TCF7L2: variants seen among roughly 807,000 people sequenced by gnomAD.
TCF7L2 encodes transcription factor 7 like 2.
Under a neutral mutation model 77.9 loss-of-function variants are expected in TCF7L2, and 23 were observed. The observed-to-expected ratio is 0.30, with a 90% CI of 0.21 to 0.42. The LOEUF is 0.42. TCF7L2 is among the 10% of genes least tolerant of loss of function. The pLI is 1.00. For synonymous variants in TCF7L2, 413 were observed against 340.2 expected (o/e 1.21, Z -2.36); for missense variants, 654 against 793.1 (o/e 0.82, Z 2.11).
At chr10:113,118,676 TTG>T (rs1171538782) in intron 5 of TCF7L2, among the ~76,000 whole-genome samples, 46 of 92,170 alleles carry the variant, frequency 5.0e-4, no homozygotes, top group South Asian at 1.2e-3. Context: ...TTTTTTTTTT[TTG>T]TTTTTTTTAT....
intron 5 of TCF7L2, among the ~76,000 whole-genome samples, chr10:113,136,458 G>A (rs149538401): frequency 3.3e-5 from 5 of 152,132 alleles, no homozygotes; most frequent in South Asian, 2.1e-4. Flanking sequence ...CGGAGAATCC[G>A]TTGTCATCAT....
intron 5 of TCF7L2, among the ~76,000 whole-genome samples, chr10:113,048,136 T>A (rs2053781925): frequency 6.6e-6 from 1 of 152,148 alleles, no homozygotes; most frequent in African/African-American, 2.4e-5. Context: ...GGACCTACTT[T>A]GGAAGGTTGT....
chr10:112,968,305 TTC>T (rs1491365284), intron 4 of TCF7L2, among the ~76,000 whole-genome samples: 2 of 152,172 alleles, frequency 1.3e-5, no homozygotes, highest in African/African-American at 2.4e-5. Flanking sequence ...CTTCTCTTCC[TTC>T]TCTTCCTCCT....
intron 5 of TCF7L2, among the ~76,000 whole-genome samples, chr10:113,046,926 T>C (rs1185089258): frequency 1.3e-5 from 2 of 152,196 alleles, no homozygotes; most frequent in Non-Finnish European, 2.9e-5. Context: ...TGCTCAGTAT[T>C]TCCAACGTTC....
intron 5 of TCF7L2, among the ~76,000 whole-genome samples, chr10:113,098,678 C>G (rs138553858): frequency 0.014 from 2,092 of 152,190 alleles, 25 homozygotes; most frequent in South Asian, 0.025. Flanking sequence ...TGCACTCCAG[C>G]CTGGGCAACA....
chr10:112,959,733 T>C (rs1475905467), intron 3 of TCF7L2, among the ~76,000 whole-genome samples: 1 of 152,184 alleles, frequency 6.6e-6, no homozygotes, highest in Non-Finnish European at 1.5e-5. Flanking sequence ...AAAAGTTTAT[T>C]TCCCATTAAA....
chr10:113,131,371 T>A (rs1424321250), intron 5 of TCF7L2, among the ~76,000 whole-genome samples: 1 of 152,198 alleles, frequency 6.6e-6, no homozygotes, highest in Non-Finnish European at 1.5e-5. Context: ...TCTAGCTGTG[T>A]GCAACTCTTT....
At chr10:113,111,642 A>C (rs1325109268) in intron 5 of TCF7L2, among the ~76,000 whole-genome samples, 1 of 152,116 alleles carries the variant, frequency 6.6e-6, no homozygotes, top group African/African-American at 2.4e-5. Flanking sequence ...AAATGCAAAA[A>C]TTAGCCAGGC....
intron 5 of TCF7L2, among the ~76,000 whole-genome samples, chr10:113,111,710 T>C (rs1591828064): frequency 6.6e-6 from 1 of 152,122 alleles, no homozygotes; most frequent in Non-Finnish European, 1.5e-5. Flanking sequence ...GAGGATCACC[T>C]GAGTCCAGGA....
chr10:113,040,258 G>A (rs898214593), intron 5 of TCF7L2, 132 bp downstream of exon 5: 9 of 769,752 alleles, frequency 1.2e-5, no homozygotes, highest in Non-Finnish European at 1.9e-5. Flanking sequence ...AATATTGTTG[G>A]GTATAGTTTA....
In TCF7L2 at chr10:113,121,712, G is replaced by A. The variant is rs556412207; in HGVS notation, c.553-19472G>A. ...ATATATTGTGGGGGGAAATGCACAC[G>A]TACGCACTTGCACACGCACACATAC... is the stretch of plus-strand genomic sequence containing the variant. On this transcript the variant is annotated intron_variant, in intron 5 of 13. Coordinates refer to ENST00000627217, the MANE Select transcript of TCF7L2 (RefSeq NM_001146274.2). 3.3e-5 allele frequency among the ~76,000 whole-genome samples: 5 copies of A among 151,806 alleles called. No individual in the cohort carries two copies. The South Asian group carries it at 6.3e-4, about 19-fold the overall frequency.
chr10:113,094,987 TC>T (rs1436111798), intron 5 of TCF7L2, among the ~76,000 whole-genome samples: 3 of 152,062 alleles, frequency 2.0e-5, no homozygotes, highest in Non-Finnish European at 4.4e-5. Flanking sequence ...GGGTACGTGG[TC>T]CCAGCTACTC....
chr10:112,966,184 T>TTATATTTATATATATATATATA (rs1554876897), intron 4 of TCF7L2, among the ~76,000 whole-genome samples: 1 of 114,228 alleles, frequency 8.8e-6, no homozygotes, highest in African/African-American at 4.8e-5. Flanking sequence ...TAAAATATAT[T>TTATATTTATATATATATATATA]TATATATATA....
chr10:113,001,174 G>A (rs7092484), intron 4 of TCF7L2, among the ~76,000 whole-genome samples: 11,490 of 152,178 alleles, frequency 0.076, 1,234 homozygotes, highest in African/African-American at 0.25. Context: ...TGAGAACTCC[G>A]GGCTCTCCCG....
chr10:113,045,809 A>C (rs1384499210), intron 5 of TCF7L2, among the ~76,000 whole-genome samples: 1 of 152,024 alleles, frequency 6.6e-6, no homozygotes, highest in Non-Finnish European at 1.5e-5. Flanking sequence ...ACTCAGCCAG[A>C]CTCTCTAAAA....
intron 5 of TCF7L2, among the ~76,000 whole-genome samples, chr10:113,063,788 A>G (rs905951476): frequency 2.0e-5 from 3 of 152,134 alleles, no homozygotes; most frequent in Non-Finnish European, 4.4e-5. Flanking sequence ...CTTTAGGAAA[A>G]GGGGAAGGTC....
At chr10:112,995,097 G>GT (rs2043226587) in intron 4 of TCF7L2, among the ~76,000 whole-genome samples, 1 of 152,156 alleles carries the variant, frequency 6.6e-6, no homozygotes. Context: ...GCGAAACTGT[G>GT]TCTCAAAACA....
chr10:113,091,649 A>C (rs1296528289), intron 5 of TCF7L2, among the ~76,000 whole-genome samples: 2 of 152,232 alleles, frequency 1.3e-5, no homozygotes, highest in African/African-American at 4.8e-5. Context: ...CTCAGAAGGA[A>C]GACAGAGGTT....
chr10:113,149,649 G>A (rs111941602), intron 8 of TCF7L2, among the ~76,000 whole-genome samples: 2 of 151,874 alleles, frequency 1.3e-5, no homozygotes, highest in African/African-American at 4.8e-5. Flanking sequence ...AATCATTTTG[G>A]AAGAATTGTC....
Sources: gnomAD v4.1 joint callset for allele counts (sites outside exome capture counted in the v4.1 genomes callset) on GRCh38, gnomAD v4.1.1 for gene constraint, MANE v1.5 for transcripts, NCBI Gene and HGNC (gene_info 2026-07-23, HGNC 2026-07-21) for gene names.